The following OAT variants were observed in gnomAD, a reference collection of about 807,000 sequenced individuals.
OAT encodes the protein ornithine aminotransferase, also known as ornithine aminotransferase, mitochondrial.
OAT carries 35 observed loss-of-function variants against 48.4 expected under a neutral mutation model. The ratio of observed to expected loss-of-function variants is 0.72; its 90% CI spans 0.55 to 0.96. The LOEUF (loss-of-function observed/expected upper bound fraction) is 0.96. OAT is among the 40% of genes least tolerant of loss of function. The pLI is 0.00. For missense variants in OAT, 438 were observed against 537.9 expected (o/e 0.81, Z 1.84); for synonymous variants, 182 against 198.4 (o/e 0.92, Z 0.70).
At position 124,403,929 on chromosome 10, in the gene OAT, G is replaced by T. The variant is rs760705121; in HGVS notation, c.649-9C>A. ...GGATCCTGAAGAGCACGCTACAGAA[G>T]AAACAGGAATAAGTTTTAATAACTT... On this transcript the variant is annotated splice_polypyrimidine_tract_variant and intron_variant, in intron 5 of 9. Transcript: ENST00000368845. The T allele has an allele frequency of 6.2e-7, 1 of 1,614,018 alleles. No homozygotes were observed. Among genetic ancestry groups the T allele is most frequent in the Non-Finnish European group, 8.5e-7 (1 of 1,179,920 alleles).
intron 4 of OAT, among the ~76,000 whole-genome samples, chr10:124,408,334 TATATA>T (rs1951651408): frequency 1.1e-5 from 1 of 94,696 alleles, no homozygotes; most frequent in African/African-American, 4.0e-5. Context: ...TATATATATA[TATATA>T]TATATTTTTT....
chr10:124,402,167 T>C (rs1951433018), intron 7 of OAT, among the ~76,000 whole-genome samples: 1 of 152,126 alleles, frequency 6.6e-6, no homozygotes, highest in Admixed American at 6.5e-5. Flanking sequence ...CCCAAAGTGC[T>C]GGGATTGCAG....
At chr10:124,398,875 C>T (rs183879236) in intron 9 of OAT, among the ~76,000 whole-genome samples, 107 of 151,310 alleles carry the variant, frequency 7.1e-4, no homozygotes, top group African/African-American at 2.5e-3. Context: ...ATTAGCCTGT[C>T]GTGGTGTGGC....
In OAT at chr10:124,408,913, A is replaced by G; in HGVS notation, c.252T>C (p.Ser84=). Residue 84 remains serine (S), a synonymous_variant, in exon 3 of 10, where the codon TCT becomes TCC. Transcript: ENST00000368845. ...AATGCCCTTGGTTGACAGCACTGTA[A>G]GAACTCAGGAAGTCAAAATATTTTC... ...EGRKYFDFLS[S]YSAVNQGHCH... is the part of the protein sequence containing the mutation. 6.2e-7 allele frequency: 1 copy of G among 1,614,088 alleles called. No individual in the cohort carries two copies. The highest frequency in any genetic ancestry group is 8.5e-7 in the Non-Finnish European group (1 of 1,180,014).
chr10:124,398,401 G>A (rs1051277798), intron 9 of OAT, among the ~76,000 whole-genome samples: 8 of 151,914 alleles, frequency 5.3e-5, no homozygotes, highest in African/African-American at 1.7e-4. Flanking sequence ...CCAGCTACTC[G>A]GGAGACTGAG....
At chr10:124,401,109 T>C (rs1188798382) in intron 8 of OAT, 125 bp from the exon 9 acceptor site, 6 of 657,754 alleles carry the variant, frequency 9.1e-6, no homozygotes, top group Non-Finnish European at 1.6e-5. Flanking sequence ...TTAACTTTCA[T>C]TGCTATTTTT....
intron 4 of OAT, among the ~76,000 whole-genome samples, chr10:124,407,720 GT>G (rs1445273490): frequency 6.6e-6 from 1 of 152,040 alleles, no homozygotes; most frequent in Non-Finnish European, 1.5e-5. Context: ...ACACATACTT[GT>G]TTTTTAAAAA....
Position 124,411,999 on chromosome 10 carries a change from A to G in OAT, c.173T>C (p.Leu58Ser). ...YKYGAHNYHP[L>S]PVALERGKGI... ...TTTTCCTCTCTCCAGGGCTACAGGTAAAGGATGGTAGTTGTGTGCACCATA... is the reference window on the plus strand; with the variant it reads ...TTTTCCTCTCTCCAGGGCTACAGGTGAAGGATGGTAGTTGTGTGCACCATA... The change falls in exon 2 of 10, where the codon TTA (leucine) becomes TCA (serine). Residue 58 changes from leucine to serine, a missense_variant. Transcript: ENST00000368845. 1.2e-6 allele frequency: 2 copies of G among 1,614,178 alleles called. No individual in the cohort carries two copies. The highest frequency in any genetic ancestry group is 1.7e-6 in the Non-Finnish European group (2 of 1,179,976).
rs1338519282 is a variant in OAT at position 124,413,307 on chromosome 10, CACATAT to C, written c.-29-1113_-29-1108del. Among the ~76,000 whole-genome samples the C allele has an allele frequency of 3.1e-5, 4 of 129,128 alleles. No homozygotes were observed. In the Admixed American group the frequency reaches 3.1e-4, roughly 10 times the overall value. 84.7% of individuals were successfully genotyped at this position (129,128 alleles called of 152,430 possible). A position where few individuals can be genotyped will look rare whatever the true frequency, so the allele number is the denominator to read the frequency against. ...ACACACACACACACACACACACACA[CACATAT>C]ATGAGATTCCCAAACAAAACAATCT... On this transcript the variant is annotated intron_variant, in intron 1 of 9. Transcript: ENST00000368845.
intron 4 of OAT, chr10:124,407,287 G>C: frequency 1.0e-6 from 1 of 985,476 alleles, no homozygotes; most frequent in Non-Finnish European, 1.2e-6. Context: ...TTACCCTGCA[G>C]GTATAAGGGA....
Position 124,408,833 on chromosome 10 carries a change from G to A in OAT, c.332C>T (p.Thr111Ile). The A allele has an allele frequency of 1.2e-6, 2 of 1,612,788 alleles. No individual in the cohort carries two copies. The highest frequency in any genetic ancestry group is 1.7e-6 in the Non-Finnish European group (2 of 1,179,838). Residue 111 changes from threonine (T) to isoleucine (I), a missense_variant, in exon 3 of 10, where the codon ACA becomes ATA. By Grantham distance (89) the Thr-to-Ile change is moderately conservative. Coordinates refer to ENST00000368845, the MANE Select transcript of OAT (RefSeq NM_000274.4). ...TACGTTATTATAGAAAGCTCTAGATGTTAAGGTCAATTTGTCCACTTGACT... is the reference window on the plus strand; with the variant it reads ...TACGTTATTATAGAAAGCTCTAGATATTAAGGTCAATTTGTCCACTTGACT... ...LKSQVDKLTL[T>I]SRAFYNNVLG...
intron 2 of OAT, among the ~76,000 whole-genome samples, chr10:124,411,238 G>C (rs535897747): frequency 1.3e-5 from 2 of 152,022 alleles, no homozygotes; most frequent in East Asian, 3.9e-4. Flanking sequence ...CAGGCGGCGG[G>C]GGGAGAAGAG....
rs1406034049 is a variant in OAT, at chr10:124,399,305, G to C, written c.1160-1203C>G. On this transcript the variant is annotated intron_variant, in intron 9 of 9. Transcript: ENST00000368845. ...AATCCCTGGGGTAAGGCCAGGCTTT[G>C]ACTCATTTTTTTAAGAAGCTCCCCA... 3.6e-5 allele frequency among the ~76,000 whole-genome samples: 5 copies of C among 140,150 alleles called. No individual in the cohort carries two copies. The South Asian group carries it at 7.1e-4, about 20-fold the overall frequency. 91.9% of individuals were successfully genotyped at this position (140,150 alleles called of 152,430 possible). A position where few individuals can be genotyped will look rare whatever the true frequency, so the allele number is the denominator to read the frequency against.
chr10:124,402,646 G>A (rs1312452580), intron 7 of OAT, among the ~76,000 whole-genome samples: 1 of 152,162 alleles, frequency 6.6e-6, no homozygotes, highest in Non-Finnish European at 1.5e-5. Flanking sequence ...CTGGAAAAAA[G>A]GACAGGAGTC....
intron 8 of OAT, 52 bp downstream of exon 8, chr10:124,401,674 A>T: frequency 8.1e-7 from 1 of 1,231,498 alleles, no homozygotes; most frequent in Non-Finnish European, 1.2e-6. Flanking sequence ...ATTAAAAATC[A>T]CTTCAACATT....
At chr10:124,399,794 G>C (rs1464893587) in intron 9 of OAT, among the ~76,000 whole-genome samples, 1 of 152,102 alleles carries the variant, frequency 6.6e-6, no homozygotes, top group Non-Finnish European at 1.5e-5. Context: ...GTGACAGCCA[G>C]CATTATTTTT....
At chr10:124,399,338 CTTTT>C (rs937720307) in intron 9 of OAT, among the ~76,000 whole-genome samples, 2 of 58,762 alleles carry the variant, frequency 3.4e-5, no homozygotes, top group Non-Finnish European at 5.9e-5. Context: ...CCAGGTGATT[CTTTT>C]TTTTTTTTTT....
At position 124,405,515 on chromosome 10, in the gene OAT, T is replaced by G. The variant is rs921694497; in HGVS notation, c.569A>C (p.Asp190Ala). The G allele has an allele frequency of 1.2e-6, 2 of 1,614,120 alleles. No homozygotes were observed. The highest frequency in any genetic ancestry group is 1.7e-6 in the Non-Finnish European group (2 of 1,180,004). Reference protein sequence around the residue: ...RTLSAISSSTDPTSYDGFGPF... With the variant: ...RTLSAISSSTAPTSYDGFGPF... ...TCCAAAACCATCGTAACTGGTTGGG[T>G]CTGTGGAACTGGAGATAGCAGACAA... The change falls in exon 5 of 10, where the codon GAC becomes GCC. Residue 190 changes from aspartate (D) to alanine (A), a missense_variant. Coordinates refer to ENST00000368845, the MANE Select transcript of OAT (RefSeq NM_000274.4).
chr10:124,409,188 C>T (rs1271436463), intron 2 of OAT, among the ~76,000 whole-genome samples: 2 of 152,096 alleles, frequency 1.3e-5, no homozygotes, highest in African/African-American at 4.8e-5. Flanking sequence ...ACACATTTAA[C>T]AAAAATAACA....
Sources: gnomAD v4.1 joint callset for allele counts (sites outside exome capture counted in the v4.1 genomes callset) on GRCh38, gnomAD v4.1.1 for gene constraint, MANE v1.5 for transcripts, NCBI Gene and HGNC (gene_info 2026-07-23, HGNC 2026-07-21) for gene names.